The following EYA1 variants were observed in gnomAD, a reference collection of about 807,000 sequenced individuals.
The protein encoded by EYA1 is protein phosphatase EYA1.
In EYA1, 16 loss-of-function variants were observed where a neutral mutation model predicts 82.0. The observed-to-expected ratio is 0.20, with a 90% CI of 0.13 to 0.30. The LOEUF is 0.30. EYA1 is among the 10% of genes least tolerant of loss of function. The pLI is 1.00. For synonymous variants in EYA1, 261 were observed against 264.4 expected (o/e 0.99, Z 0.12); for missense variants, 633 against 730.7 (o/e 0.87, Z 1.54).
At chr8:71,200,811 C>A (rs1010870253) in intron 17 of EYA1, among the ~76,000 whole-genome samples, 1 of 151,484 alleles carries the variant, frequency 6.6e-6, no homozygotes, top group South Asian at 2.1e-4. Context: ...TGGGCAATTA[C>A]CTTTGCCTAG....
upstream of EYA1, chr8:71,362,361 G>A (rs1827483576): frequency 4.0e-6 from 1 of 247,802 alleles, no homozygotes; most frequent in Admixed American, 6.5e-5. Context: ...ACTTCTCTGA[G>A]ACGTGGTCAA....
intron 6 of EYA1, among the ~76,000 whole-genome samples, chr8:71,321,354 T>C (rs1822522107): frequency 6.6e-6 from 1 of 152,198 alleles, no homozygotes. Flanking sequence ...TAATCACAGC[T>C]AGGCATCTGA....
Position 71,269,731 on chromosome 8 carries a change from G to C in EYA1, c.1050+9C>G. 6.2e-7 allele frequency: 1 copy of C among 1,607,398 alleles called. No homozygotes were observed. Among genetic ancestry groups the C allele is most frequent in the Non-Finnish European group, 8.5e-7 (1 of 1,174,152 alleles). On this transcript the variant is annotated intron_variant, in intron 11 of 17. Coordinates refer to ENST00000340726, the MANE Select transcript of EYA1 (RefSeq NM_000503.6). Reference sequence around the variant, plus strand: ...AAGAAATTAAAAACTGATGCCTCTTGGTACTCACCCTCCCATATCTGTTGG... The same window carrying C: ...AAGAAATTAAAAACTGATGCCTCTTCGTACTCACCCTCCCATATCTGTTGG...
At chr8:71,275,241 CTA>C (rs1181105780) in intron 9 of EYA1, among the ~76,000 whole-genome samples, 2 of 152,132 alleles carry the variant, frequency 1.3e-5, no homozygotes, top group African/African-American at 2.4e-5. Flanking sequence ...AAATCAATAA[CTA>C]AGTGGATAAG....
intron 2 of EYA1, among the ~76,000 whole-genome samples, chr8:71,437,644 G>A (rs554616595): frequency 6.6e-6 from 1 of 152,074 alleles, no homozygotes; most frequent in East Asian, 1.9e-4. Context: ...TTAGAAGACT[G>A]AAACAAATTA....
intron 9 of EYA1, among the ~76,000 whole-genome samples, chr8:71,293,777 G>A (rs1819265111): frequency 7.0e-6 from 1 of 142,870 alleles, no homozygotes; most frequent in Non-Finnish European, 1.6e-5. Context: ...GGAAAGGGGA[G>A]AGAGCTTCCT....
intron 2 of EYA1, among the ~76,000 whole-genome samples, chr8:71,527,616 A>G (rs1257185945): frequency 6.6e-6 from 1 of 152,218 alleles, no homozygotes; most frequent in Non-Finnish European, 1.5e-5. Context: ...CACAGATAGT[A>G]AAATCCTTGG....
At chr8:71,211,278 T>A in intron 16 of EYA1, 22 bp from the exon 17 acceptor site, 5 of 1,510,804 alleles carry the variant, frequency 3.3e-6, no homozygotes, top group Non-Finnish European at 4.6e-6. Flanking sequence ...AAATAAATGA[T>A]AGAAAATGTG....
intron 2 of EYA1, among the ~76,000 whole-genome samples, chr8:71,435,292 A>G (rs1244199464): frequency 6.6e-6 from 1 of 152,092 alleles, no homozygotes. Context: ...TGTCATGATG[A>G]TGTTTAACCT....
chr8:71,361,237 T>C (rs1460854977), intron 1 of EYA1, among the ~76,000 whole-genome samples: 3 of 152,236 alleles, frequency 2.0e-5, no homozygotes, highest in Admixed American at 2.0e-4. Context: ...AAGTTACTTA[T>C]GTATTGCAAT....
At chr8:71,284,595 T>C (rs1416235267) in intron 9 of EYA1, among the ~76,000 whole-genome samples, 1 of 152,216 alleles carries the variant, frequency 6.6e-6, no homozygotes, top group African/African-American at 2.4e-5. Flanking sequence ...AGTGTATTTG[T>C]GTTGTTGCTC....
At chr8:71,547,167 C>T (rs1265181446) in intron 1 of EYA1, among the ~76,000 whole-genome samples, 1 of 152,216 alleles carries the variant, frequency 6.6e-6, no homozygotes, top group Non-Finnish European at 1.5e-5. Flanking sequence ...CCAATCAAAC[C>T]ACTTTTGGCC....
chr8:71,342,119 T>C (rs1825203135), intron 3 of EYA1, among the ~76,000 whole-genome samples: 2 of 152,012 alleles, frequency 1.3e-5, no homozygotes, highest in African/African-American at 2.4e-5. Flanking sequence ...AATGCTCATC[T>C]CTCCCCCAAT....
At chr8:71,523,257 C>T (rs1446438455) in intron 2 of EYA1, among the ~76,000 whole-genome samples, 1 of 145,066 alleles carries the variant, frequency 6.9e-6, no homozygotes, top group African/African-American at 2.6e-5. Context: ...CGGCTCACTG[C>T]AAGCTCCGCC....
rs190775564 is a variant in EYA1, at chr8:71,528,615, C to T, written c.33+7129G>A. ...TCCAAGTCACAACCTCATCTTAACC[C>T]TGTGAATGTCTGTCCATTACATCAG... On this transcript the variant is annotated intron_variant, in intron 2 of 18. Coordinates refer to the EYA1 transcript ENST00000643681. 1.6e-4 allele frequency among the ~76,000 whole-genome samples: 25 copies of T among 152,254 alleles called. 1 individual carries two copies. The highest frequency in any genetic ancestry group is 1.4e-3 in the Admixed American group (22 of 15,288).
At chr8:71,451,653 G>C (rs1036983057) in intron 2 of EYA1, among the ~76,000 whole-genome samples, 1 of 152,022 alleles carries the variant, frequency 6.6e-6, no homozygotes, top group African/African-American at 2.4e-5. Flanking sequence ...TAATTATGTG[G>C]TTCCTCTTCT....
At chr8:71,451,234 C>T (rs1807345887) in intron 2 of EYA1, among the ~76,000 whole-genome samples, 1 of 152,082 alleles carries the variant, frequency 6.6e-6, no homozygotes, top group African/African-American at 2.4e-5. Context: ...GGAATAATTC[C>T]TAATGTACAC....
rs190614097 is a variant in EYA1, at chr8:71,469,506, C to T, written c.33+66238G>A. Among the ~76,000 whole-genome samples, 462 of 152,132 alleles carry T rather than the reference C, an allele frequency of 3.0e-3. 3 individuals are homozygous for T. The highest frequency in any genetic ancestry group is 0.011 in the African/African-American group (438 of 41,520). ...CCACCACTTAGCACATTGTAAATAC[C>T]CAATTAGTTCCTTCTATTGCCTTAG... On this transcript the variant is annotated intron_variant, in intron 2 of 18. Coordinates refer to the EYA1 transcript ENST00000643681.
intron 2 of EYA1, among the ~76,000 whole-genome samples, chr8:71,424,994 C>T (rs1468757927): frequency 6.6e-6 from 1 of 151,200 alleles, no homozygotes; most frequent in Admixed American, 6.6e-5. Context: ...GGCGCGGTGG[C>T]TCACGCCTGT....
Sources: allele counts gnomAD v4.1 joint callset (sites outside exome capture counted in the v4.1 genomes callset), GRCh38; gene constraint gnomAD v4.1.1; transcripts MANE v1.5; gene names NCBI Gene and HGNC (gene_info 2026-07-23, HGNC 2026-07-21).